Variants in SLC24A2 observed in about 807,000 individuals in gnomAD.
SLC24A2 encodes the protein sodium/potassium/calcium exchanger 2.
SLC24A2 carries 36 observed loss-of-function variants against 62.0 expected under a neutral mutation model. The observed-to-expected ratio is 0.58, with a 90% CI of 0.44 to 0.77. The LOEUF is 0.77. SLC24A2 is among the 30% of genes least tolerant of loss of function. The pLI, the probability that SLC24A2 is intolerant of heterozygous loss-of-function variation, is 0.00. For synonymous variants in SLC24A2, 358 were observed against 294.0 expected, an observed-to-expected ratio of 1.22 and a Z score of -2.23; for missense variants, 846 against 817.9, an observed-to-expected ratio of 1.03 and a Z score of -0.42.
chr9:20,011,782 A>G, the SLC24A2 span, among the ~76,000 whole-genome samples: 4 of 152,246 alleles, frequency 2.6e-5, no homozygotes, highest in Non-Finnish European at 5.9e-5. Context: ...GAAAAATCAA[A>G]GAAAAAGAAT....
At chr9:19,663,507 C>T (rs1042810638) in intron 2 of SLC24A2, among the ~76,000 whole-genome samples, 2 of 152,096 alleles carry the variant, frequency 1.3e-5, no homozygotes, top group African/African-American at 4.8e-5. Flanking sequence ...ACAGAAGATG[C>T]CTCCTGACTT....
chr9:19,955,487 T>C, the SLC24A2 span, among the ~76,000 whole-genome samples: 3 of 152,026 alleles, frequency 2.0e-5, no homozygotes, highest in South Asian at 4.1e-4. Flanking sequence ...GTTGTCTTGA[T>C]AATTTTAGAC....
the SLC24A2 span, among the ~76,000 whole-genome samples, chr9:20,007,104 G>A: frequency 3.3e-5 from 5 of 152,148 alleles, no homozygotes. Flanking sequence ...TGGTAAATCA[G>A]ATGACAGCTG....
At chr9:20,072,142 A>T in the SLC24A2 span, among the ~76,000 whole-genome samples, 1 of 151,996 alleles carries the variant, frequency 6.6e-6, no homozygotes, top group African/African-American at 2.4e-5. Context: ...TTTCATGGAG[A>T]CTTCATAGGT....
the SLC24A2 span, among the ~76,000 whole-genome samples, chr9:20,261,337 G>A: frequency 0.65 from 99,034 of 151,774 alleles, 34,502 homozygotes; most frequent in East Asian, 0.95. Flanking sequence ...GAAGTCCAGT[G>A]TCAACAGGCT....
chr9:19,963,133 A>G, the SLC24A2 span, among the ~76,000 whole-genome samples: 1 of 150,324 alleles, frequency 6.7e-6, no homozygotes, highest in Non-Finnish European at 1.5e-5. Context: ...TTCCCTATTT[A>G]ATAAATGGTG....
chr9:20,151,947 C>T, the SLC24A2 span, among the ~76,000 whole-genome samples: 1 of 151,732 alleles, frequency 6.6e-6, no homozygotes, highest in Non-Finnish European at 1.5e-5. Flanking sequence ...TAACTGTTCT[C>T]GGAGTCTGGG....
At chr9:19,806,094 G>C in the SLC24A2 span, among the ~76,000 whole-genome samples, 2 of 152,046 alleles carry the variant, frequency 1.3e-5, no homozygotes, top group Admixed American at 1.3e-4. Context: ...GGATAACTCT[G>C]ACTAAAAAGA....
chr9:19,803,362 T>C, the SLC24A2 span, among the ~76,000 whole-genome samples: 1 of 152,222 alleles, frequency 6.6e-6, no homozygotes, highest in Non-Finnish European at 1.5e-5. Flanking sequence ...TCTTTTGTTT[T>C]TTAGTCTTGG....
chr9:19,628,314 C>T (rs889219862), intron 2 of SLC24A2, among the ~76,000 whole-genome samples: 1 of 152,116 alleles, frequency 6.6e-6, no homozygotes, highest in African/African-American at 2.4e-5. Flanking sequence ...TAATGTCTAC[C>T]TATTAAATCA....
At chr9:20,296,538 T>G in the SLC24A2 span, among the ~76,000 whole-genome samples, 11 of 152,234 alleles carry the variant, frequency 7.2e-5, no homozygotes, top group Non-Finnish European at 1.5e-4. Flanking sequence ...CCTCAGTAAA[T>G]GAAGATGTAA....
At chr9:20,019,125 GAAAGAAAGAAAGAAAGAAAGAAAGAA>G in the SLC24A2 span, among the ~76,000 whole-genome samples, 85 of 106,610 alleles carry the variant, frequency 8.0e-4, 3 homozygotes, top group African/African-American at 2.9e-3. Context: ...AAGAAAGAAA[GAAAGAAAGAAAGAAAGAAAGAAAGAA>G]AGAAAGAGAG....
chr9:19,666,746 G>GT (rs774538077), intron 2 of SLC24A2, among the ~76,000 whole-genome samples: 3 of 151,986 alleles, frequency 2.0e-5, no homozygotes, highest in Admixed American at 1.3e-4. Flanking sequence ...AAACCATTAT[G>GT]TTTTTTTCAA....
At chr9:20,101,394 G>T in the SLC24A2 span, among the ~76,000 whole-genome samples, 6 of 152,324 alleles carry the variant, frequency 3.9e-5, no homozygotes, top group East Asian at 1.2e-3. Context: ...AAAAGTGCTG[G>T]TACTTTCTAT....
the SLC24A2 span, among the ~76,000 whole-genome samples, chr9:19,838,549 G>T: frequency 6.6e-6 from 1 of 151,486 alleles, no homozygotes; most frequent in Non-Finnish European, 1.5e-5. Context: ...TGAAGCAAGA[G>T]AATTGCTTGA....
At chr9:20,237,794 C>G in the SLC24A2 span, among the ~76,000 whole-genome samples, 7 of 152,128 alleles carry the variant, frequency 4.6e-5, no homozygotes, top group Non-Finnish European at 2.9e-5. Context: ...TCTTCATAGG[C>G]AGAGTCCTCC....
chr9:19,522,701 A>C (rs1248498719), intron 9 of SLC24A2, among the ~76,000 whole-genome samples: 1 of 152,098 alleles, frequency 6.6e-6, no homozygotes, highest in East Asian at 1.9e-4. Flanking sequence ...CGATCTCCCT[A>C]GTTGACAGAA....
intron 2 of SLC24A2, among the ~76,000 whole-genome samples, chr9:19,710,656 A>G (rs1820687762): frequency 6.6e-6 from 1 of 152,186 alleles, no homozygotes; most frequent in African/African-American, 2.4e-5. Context: ...GGATCTGTAG[A>G]GCCTGGTCAT....
At chr9:19,936,847 A>C in the SLC24A2 span, among the ~76,000 whole-genome samples, 1 of 152,178 alleles carries the variant, frequency 6.6e-6, no homozygotes. Flanking sequence ...TTATGGAGGT[A>C]ATTGCTAAAA....
Sources: gnomAD v4.1 joint callset for allele counts (sites outside exome capture counted in the v4.1 genomes callset) on GRCh38, gnomAD v4.1.1 for gene constraint, MANE v1.5 for transcripts, NCBI Gene and HGNC (gene_info 2026-07-23, HGNC 2026-07-21) for gene names.